SLC35F2: variants seen among roughly 807,000 people sequenced by gnomAD.
SLC35F2 encodes queuine/queuosine transporter SLC35F2.
A neutral mutation model predicts 38.1 loss-of-function variants in SLC35F2; 25 were observed. The observed-to-expected ratio is 0.66, with a 90% CI of 0.48 to 0.92. The LOEUF is 0.92. Among genes scored for constraint, SLC35F2 ranks in the 40% least tolerant of loss-of-function variants. SLC35F2 has a pLI of 0.00. For synonymous variants in SLC35F2, 173 were observed against 181.7 expected, an observed-to-expected ratio of 0.95 and a Z score of 0.38; for missense variants, 409 against 452.9, an observed-to-expected ratio of 0.90 and a Z score of 0.88.
chr11:107,827,158 A>T (rs1046650352), intron 1 of SLC35F2, among the ~76,000 whole-genome samples: 1 of 152,216 alleles, frequency 6.6e-6, no homozygotes, highest in Non-Finnish European at 1.5e-5. Context: ...TGAAAGGTAC[A>T]ATTGACTCAT....
At chr11:107,801,670 C>T (rs1174372009) in intron 7 of SLC35F2, among the ~76,000 whole-genome samples, 1 of 151,398 alleles carries the variant, frequency 6.6e-6, no homozygotes, top group African/African-American at 2.4e-5. Context: ...AAACTGCTGC[C>T]CTAGGAATTT....
At chr11:107,845,950 C>CATAAGTAA (rs1555087014) in intron 1 of SLC35F2, among the ~76,000 whole-genome samples, 1 of 142,852 alleles carries the variant, frequency 7.0e-6, no homozygotes, top group East Asian at 2.0e-4. Flanking sequence ...GAGATTCTGT[C>CATAAGTAA]ATAAATAAAT....
At chr11:107,836,269 G>A (rs1049546046) in intron 1 of SLC35F2, among the ~76,000 whole-genome samples, 1 of 151,624 alleles carries the variant, frequency 6.6e-6, no homozygotes, top group Non-Finnish European at 1.5e-5. Flanking sequence ...GCTCTAGAAA[G>A]CTGTAGAACT....
intron 4 of SLC35F2, 133 bp from the exon 5 acceptor site, chr11:107,805,648 ATGTGTGAGAGTGTG>A (rs1859379015): frequency 2.1e-6 from 3 of 1,451,182 alleles, no homozygotes; most frequent in Non-Finnish European, 2.7e-6. Context: ...CTAGAAGTTT[ATGTGTGAGAGTGTG>A]TGTGTGTGTA....
intron 7 of SLC35F2, among the ~76,000 whole-genome samples, chr11:107,793,185 G>A (rs1859162017): frequency 6.6e-6 from 1 of 152,210 alleles, no homozygotes. Flanking sequence ...CCAAAGTGCG[G>A]GGGATTACAG....
intron 7 of SLC35F2, 128 bp from the exon 8 acceptor site, chr11:107,792,928 T>G (rs1280512130): frequency 1.1e-5 from 9 of 805,320 alleles, no homozygotes; most frequent in Non-Finnish European, 1.4e-5. Context: ...TTTCTTTCTT[T>G]CTTTTTAAGA....
rs201612553 is a variant in SLC35F2 at position 107,814,929 on chromosome 11, T to A, written c.286+861A>T. 7.2e-5 allele frequency among the ~76,000 whole-genome samples: 11 copies of A among 152,054 alleles called. No individual in the cohort carries two copies. In the East Asian group the frequency reaches 2.1e-3, roughly 29 times the overall value. ...CCGGACTCCACTAAAAATACAAAAA[T>A]TAGCCAGGTGTGGTGGTGTGCACCT... On this transcript the variant is annotated intron_variant, in intron 2 of 7. Transcript: ENST00000525815.
intron 1 of SLC35F2, among the ~76,000 whole-genome samples, chr11:107,818,067 AAAAAAAAAGAAAGAAAG>A (rs1389556561): frequency 1.1e-4 from 15 of 134,832 alleles, no homozygotes; most frequent in African/African-American, 3.7e-4. Context: ...AAAAAAAAAA[AAAAAAAAAGAAAGAAAG>A]AAAGAAAGAA....
chr11:107,805,466 G>C lies in SLC35F2; in HGVS notation c.624C>G (p.Leu208=). ...GDILVLLGAS[L]YAISNVCEEY... ...CCTCACAAACATTTGAAATGGCATA[G>C]AGGGAAGCCCCAAGAAGGACCAAGA... The change falls in exon 5 of 8, where the codon CTC becomes CTG. Residue 208 remains leucine, a synonymous_variant. Transcript: ENST00000525815. 6.2e-7 allele frequency: 1 copy of C among 1,614,072 alleles called. No homozygotes were observed. Among genetic ancestry groups the C allele is most frequent in the Non-Finnish European group, 8.5e-7 (1 of 1,180,006 alleles).
intron 1 of SLC35F2, among the ~76,000 whole-genome samples, chr11:107,822,702 GA>G (rs1178546313): frequency 6.6e-6 from 1 of 152,086 alleles, no homozygotes. Flanking sequence ...AACAACCTCA[GA>G]AGTTTTCTGT....
intron 4 of SLC35F2, chr11:107,805,729 G>A: frequency 1.1e-5 from 10 of 923,632 alleles, no homozygotes; most frequent in Non-Finnish European, 1.3e-5. Context: ...TCAGGCTGGA[G>A]TGCAGTGGCG....
At chr11:107,800,953 A>G (rs12803802) in intron 7 of SLC35F2, among the ~76,000 whole-genome samples, 20,991 of 146,510 alleles carry the variant, frequency 0.14, 2,484 homozygotes, top group East Asian at 0.42. Context: ...TACCCAGGCT[A>G]AAATGCAATG....
chr11:107,849,989 C>G (rs1191197356), intron 1 of SLC35F2, among the ~76,000 whole-genome samples: 2 of 152,108 alleles, frequency 1.3e-5, no homozygotes, highest in Non-Finnish European at 2.9e-5. Context: ...GTCCAGCCAG[C>G]AATCATTCCT....
intron 1 of SLC35F2, among the ~76,000 whole-genome samples, chr11:107,852,560 A>T (rs970353885): frequency 6.6e-6 from 1 of 151,092 alleles, no homozygotes; most frequent in Non-Finnish European, 1.5e-5. Flanking sequence ...CAAAAAAAAA[A>T]AAAAAATACA....
At chr11:107,853,668 C>G (rs201631693) in intron 1 of SLC35F2, among the ~76,000 whole-genome samples, 2 of 139,122 alleles carry the variant, frequency 1.4e-5, no homozygotes, top group Admixed American at 1.7e-4. Context: ...TGCAGTGAGC[C>G]GAGATCGCGC....
chr11:107,837,165 C>T (rs1191574646), intron 1 of SLC35F2, among the ~76,000 whole-genome samples: 8 of 152,130 alleles, frequency 5.3e-5, no homozygotes, highest in Non-Finnish European at 1.2e-4. Flanking sequence ...ACACAGGGGA[C>T]ACATTAGTAC....
At chr11:107,839,002 T>TTTATAC (rs1555086144) in intron 1 of SLC35F2, among the ~76,000 whole-genome samples, 16 of 152,274 alleles carry the variant, frequency 1.1e-4, no homozygotes, top group Non-Finnish European at 2.1e-4. Flanking sequence ...TGTTGAAAAA[T>TTTATAC]AGTTGTAACA....
At chr11:107,814,165 G>A (rs1591192187) in intron 2 of SLC35F2, among the ~76,000 whole-genome samples, 2 of 152,060 alleles carry the variant, frequency 1.3e-5, no homozygotes, top group Admixed American at 1.3e-4. Flanking sequence ...TACAACAAAG[G>A]GTTAAACTAA....
intron 1 of SLC35F2, among the ~76,000 whole-genome samples, chr11:107,817,224 C>T (rs980608364): frequency 2.0e-5 from 3 of 150,986 alleles, no homozygotes; most frequent in East Asian, 1.9e-4. Context: ...TGCAGTGAGC[C>T]GAGACTGTAC....
Sources: gnomAD v4.1 joint callset for allele counts (sites outside exome capture counted in the v4.1 genomes callset) on GRCh38, gnomAD v4.1.1 for gene constraint, MANE v1.5 for transcripts, NCBI Gene and HGNC (gene_info 2026-07-23, HGNC 2026-07-21) for gene names.